Variants in DGKG observed in about 807,000 individuals in gnomAD.
The protein encoded by DGKG is diacylglycerol kinase gamma.
A neutral mutation model predicts 105.3 loss-of-function variants in DGKG; 78 were observed. The observed-to-expected ratio is 0.74, with a 90% CI of 0.62 to 0.89. DGKG has a LOEUF of 0.89. Ranked by LOEUF, DGKG falls within the 40% of genes least tolerant of loss-of-function variation. The pLI is 0.00. For synonymous variants in DGKG, 346 were observed against 367.1 expected (o/e 0.94, Z 0.66); for missense variants, 958 against 1,020.1 (o/e 0.94, Z 0.83).
chr3:186,320,732 G>A (rs78839304), intron 1 of DGKG, 25 bp from the exon 2 acceptor site: 74,240 of 363,316 alleles, frequency 0.2, 8,985 homozygotes, highest in East Asian at 0.35. Flanking sequence ...AAAAGACATT[G>A]TAAATGAGAA....
chr3:186,292,077 G>A (rs1219217992), intron 5 of DGKG, among the ~76,000 whole-genome samples: 3 of 152,054 alleles, frequency 2.0e-5, no homozygotes, highest in African/African-American at 4.8e-5. Context: ...ATCTGAGTAC[G>A]ACCCTCAGGT....
At chr3:186,356,786 A>G (rs569179392) in intron 1 of DGKG, among the ~76,000 whole-genome samples, 19 of 152,316 alleles carry the variant, frequency 1.2e-4, no homozygotes, top group African/African-American at 4.3e-4. Context: ...AAGTTACCCC[A>G]TTAATAGGTT....
At chr3:186,316,477 A>G (rs1330487299) in intron 2 of DGKG, among the ~76,000 whole-genome samples, 1 of 152,234 alleles carries the variant, frequency 6.6e-6, no homozygotes, top group Non-Finnish European at 1.5e-5. Flanking sequence ...ACTGGAAAAT[A>G]GAATCATGAG....
intron 2 of DGKG, among the ~76,000 whole-genome samples, chr3:186,315,000 G>T (rs1172031916): frequency 6.6e-6 from 1 of 152,104 alleles, no homozygotes; most frequent in Non-Finnish European, 1.5e-5. Context: ...TTATTGTTAG[G>T]AAGAGGGTCA....
At chr3:186,259,893 A>C (rs1349705848) in intron 16 of DGKG, among the ~76,000 whole-genome samples, 1 of 152,242 alleles carries the variant, frequency 6.6e-6, no homozygotes. Context: ...ATAGCCAATG[A>C]GTAAGTGGCA....
intron 20 of DGKG, among the ~76,000 whole-genome samples, chr3:186,232,799 C>T (rs941086305): frequency 6.6e-6 from 1 of 151,768 alleles, no homozygotes; most frequent in African/African-American, 2.4e-5. Context: ...TGACTTACAC[C>T]CTATTTAATA....
chr3:186,273,367 C>CCTTTTTT lies in DGKG; in HGVS notation c.911-1025_911-1024insAAAAAAG, dbSNP rs1553811123. ...TGGCGCTGGGGAGACTGTTGTACCC[C>CCTTTTTT]TTTTTTTTTTTTTTTTTTTTTTTTT... On this transcript the variant is annotated intron_variant, in intron 10 of 24. Transcript: ENST00000265022. Among the ~76,000 whole-genome samples the CCTTTTTT allele has an allele frequency of 9.3e-5, 8 of 85,598 alleles. 3 individuals carry two copies. The highest frequency in any genetic ancestry group is 9.2e-5 in the Non-Finnish European group (4 of 43,342). The allele number at this position is 85,598 out of a possible 152,430, so 56.2% of individuals were successfully genotyped here.
In DGKG at chr3:186,149,558, A is replaced by G; in HGVS notation, c.*532T>C. 3 of 985,562 alleles carry G rather than the reference A, an allele frequency of 3.0e-6. No individual in the cohort carries two copies. The highest frequency in any genetic ancestry group is 2.4e-6 in the Non-Finnish European group (2 of 829,960). The allele number at this position is 985,562 out of a possible 1,614,324, so 61.1% of individuals were successfully genotyped here. A position where few individuals can be genotyped will look rare whatever the true frequency, so the allele number is the denominator to read the frequency against. On this transcript the variant is annotated 3_prime_UTR_variant, in exon 25 of 25. Transcript: ENST00000265022. ...CACTCAAAGGACGACCAAGAAACCAACGTGCGCCTGCTGAGCCCTGCCAAG... is the reference window on the plus strand; with the variant it reads ...CACTCAAAGGACGACCAAGAAACCAGCGTGCGCCTGCTGAGCCCTGCCAAG...
At chr3:186,299,701 T>C (rs925880737) in intron 3 of DGKG, among the ~76,000 whole-genome samples, 1 of 152,168 alleles carries the variant, frequency 6.6e-6, no homozygotes, top group Admixed American at 6.5e-5. Flanking sequence ...CACATCCTCC[T>C]CCTTTTTCCT....
At chr3:186,159,535 A>G (rs1716188552) in intron 24 of DGKG, 1 of 152,206 alleles carries the variant, frequency 6.6e-6, no homozygotes, top group Non-Finnish European at 1.5e-5. Context: ...AAACATATTT[A>G]GCAGGTTTTT....
chr3:186,242,482 C>T (rs746755811), intron 20 of DGKG, 22 bp downstream of exon 20: 17 of 1,602,714 alleles, frequency 1.1e-5, no homozygotes, highest in South Asian at 3.3e-5. Flanking sequence ...TGGGTGGCAG[C>T]GCAGCCGGGC....
Position 186,215,412 on chromosome 3 carries a change from C to CAA in DGKG, c.1827-3529_1827-3528dup, listed in dbSNP as rs71632094. Among the ~76,000 whole-genome samples, 177 of 73,268 alleles carry CAA rather than the reference C, an allele frequency of 2.4e-3. 1 individual carries two copies. Among genetic ancestry groups the CAA allele is most frequent in the African/African-American group, 4.9e-3 (80 of 16,226 alleles). The allele number at this position is 73,268 out of a possible 152,430, so 48.1% of individuals were successfully genotyped here. A position where few individuals can be genotyped will look rare whatever the true frequency, so the allele number is the denominator to read the frequency against. On this transcript the variant is annotated intron_variant, in intron 20 of 24. Transcript: ENST00000265022. ...GGTGATAGAGTGAGACCCCCATCTC[C>CAA]AAAAAAAAAAAAAAAAAAAAATTCT... is the stretch of plus-strand genomic sequence containing the variant.
intron 11 of DGKG, among the ~76,000 whole-genome samples, chr3:186,269,996 A>G (rs1190293424): frequency 2.0e-5 from 3 of 152,230 alleles, no homozygotes; most frequent in Admixed American, 2.0e-4. Flanking sequence ...ATGGTACCAC[A>G]AATAACAGAA....
At chr3:186,352,857 G>A (rs1726700015) in intron 1 of DGKG, among the ~76,000 whole-genome samples, 2 of 151,932 alleles carry the variant, frequency 1.3e-5, no homozygotes, top group East Asian at 3.9e-4. Flanking sequence ...TTAAAATGTG[G>A]CCACGTCAGT....
chr3:186,319,237 G>A (rs773474653), intron 2 of DGKG, among the ~76,000 whole-genome samples: 42 of 152,198 alleles, frequency 2.8e-4, no homozygotes, highest in Non-Finnish European at 4.6e-4. Context: ...TGTTGACCTC[G>A]GAGAGCATTC....
chr3:186,235,757 T>C (rs1428350045), intron 20 of DGKG, among the ~76,000 whole-genome samples: 1 of 152,168 alleles, frequency 6.6e-6, no homozygotes, highest in Admixed American at 6.5e-5. Flanking sequence ...TCTCTGTCTT[T>C]ATCTGAGGTC....
chr3:186,232,246 C>T (rs897190263), intron 20 of DGKG, among the ~76,000 whole-genome samples: 2 of 152,182 alleles, frequency 1.3e-5, no homozygotes, highest in African/African-American at 4.8e-5. Flanking sequence ...TGAACTCACT[C>T]CATTCAGCTC....
In DGKG at chr3:186,306,878, G is replaced by A. The variant is rs1724267547; in HGVS notation, c.144+23C>T. ...CTAAAAAACACAGGGGTTTTTAAAGGCTTAAAATGGAAATGTTCTTACCTC... is the reference window on the plus strand; with the variant it reads ...CTAAAAAACACAGGGGTTTTTAAAGACTTAAAATGGAAATGTTCTTACCTC... On this transcript the variant is annotated intron_variant, in intron 3 of 24. Coordinates refer to ENST00000265022, the MANE Select transcript of DGKG (RefSeq NM_001346.3). 4.5e-6 allele frequency: 7 copies of A among 1,544,668 alleles called. No individual in the cohort carries two copies. The East Asian group carries it at 1.6e-4, about 35-fold the overall frequency.
chr3:186,360,031 A>G (rs1727152867), intron 1 of DGKG, among the ~76,000 whole-genome samples: 1 of 152,130 alleles, frequency 6.6e-6, no homozygotes, highest in Non-Finnish European at 1.5e-5. Context: ...TCCCATCAGT[A>G]GGAGAGGGGA....
Sources: gnomAD v4.1 joint callset for allele counts (sites outside exome capture counted in the v4.1 genomes callset) on GRCh38, gnomAD v4.1.1 for gene constraint, MANE v1.5 for transcripts, NCBI Gene and HGNC (gene_info 2026-07-23, HGNC 2026-07-21) for gene names.